AQR: variants seen among roughly 807,000 people sequenced by gnomAD.
AQR encodes the protein aquarius intron-binding spliceosomal factor.
A neutral mutation model predicts 180.5 loss-of-function variants in AQR; 61 were observed. The ratio of observed to expected loss-of-function variants is 0.34; its 90% CI spans 0.28 to 0.42. The LOEUF is 0.42. AQR is among the 10% of genes least tolerant of loss of function. The probability of loss-of-function intolerance (pLI) is 1.00; values close to 1 mark genes in which losing one functional copy is unlikely to be tolerated. For synonymous variants in AQR, 551 were observed against 588.8 expected (o/e 0.94, Z 0.93); for missense variants, 1,281 against 1,798.3 (o/e 0.71, Z 5.20).
intron 5 of AQR, among the ~76,000 whole-genome samples, chr15:34,946,470 A>AGGAG (rs1894119246): frequency 1.1e-5 from 1 of 91,432 alleles, no homozygotes; most frequent in Non-Finnish European, 2.1e-5. Context: ...CGCCCCGTCC[A>AGGAG]GGAGGGAGGT....
intron 1 of AQR, chr15:34,964,498 C>T (rs976566581): frequency 1.5e-6 from 1 of 665,380 alleles, no homozygotes; most frequent in Non-Finnish European, 2.8e-6. Flanking sequence ...TGCACTACAA[C>T]ATGCCATTGT....
intron 15 of AQR, among the ~76,000 whole-genome samples, chr15:34,916,016 T>G (rs1027697698): frequency 1.3e-5 from 2 of 152,126 alleles, no homozygotes; most frequent in African/African-American, 4.8e-5. Flanking sequence ...AATCTGCATA[T>G]GAGTGATCTG....
intron 2 of AQR, among the ~76,000 whole-genome samples, chr15:34,963,661 C>CTTTTTTTTTCTTTTTTTTTTTTTTTTT (rs1566793151): frequency 6.7e-6 from 1 of 148,602 alleles, no homozygotes; most frequent in African/African-American, 2.5e-5. Flanking sequence ...TACACGTACA[C>CTTTTTTTTTCTTTTTTTTTTTTTTTTT]TTTTTTTTTT....
At chr15:34,923,586 T>C (rs1373974519) in intron 13 of AQR, among the ~76,000 whole-genome samples, 1 of 152,190 alleles carries the variant, frequency 6.6e-6, no homozygotes. Flanking sequence ...AGGTCTATAA[T>C]CCGATTTGAG....
chr15:34,898,745 G>C (rs1490417385), intron 20 of AQR, among the ~76,000 whole-genome samples: 1 of 151,568 alleles, frequency 6.6e-6, no homozygotes, highest in African/African-American at 2.4e-5. Flanking sequence ...TTAGCCGGGC[G>C]TGGTGGCGGG....
intron 18 of AQR, among the ~76,000 whole-genome samples, chr15:34,905,095 T>C (rs1309441954): frequency 9.4e-6 from 1 of 106,298 alleles, no homozygotes; most frequent in East Asian, 3.2e-4. Flanking sequence ...CTCCTCTTTT[T>C]TGGGGGGGGT....
intron 21 of AQR, among the ~76,000 whole-genome samples, chr15:34,897,191 G>T (rs1415939129): frequency 6.6e-6 from 1 of 152,128 alleles, no homozygotes; most frequent in Non-Finnish European, 1.5e-5. Context: ...CATTTGGAGT[G>T]CCAAAGTTCT....
chr15:34,944,110 AT>A, intron 6 of AQR, among the ~76,000 whole-genome samples, 177 bp downstream of exon 6: 1 of 152,370 alleles, frequency 6.6e-6, no homozygotes, highest in African/African-American at 2.4e-5. Context: ...ATAAAAACAT[AT>A]CTTAAAGACT....
At chr15:34,887,238 T>TG (rs1893076150) in intron 24 of AQR, among the ~76,000 whole-genome samples, 1 of 152,082 alleles carries the variant, frequency 6.6e-6, no homozygotes, top group African/African-American at 2.4e-5. Context: ...AATACACCAT[T>TG]TAGTTCAGCT....
intron 34 of AQR, among the ~76,000 whole-genome samples, chr15:34,858,796 T>C (rs555067158): frequency 2.1e-4 from 32 of 152,310 alleles, no homozygotes; most frequent in African/African-American, 6.5e-4. Flanking sequence ...ATATAGTCAA[T>C]TGATATTTTG....
At chr15:34,877,671 A>G (rs1239341095) in intron 27 of AQR, among the ~76,000 whole-genome samples, 1 of 152,246 alleles carries the variant, frequency 6.6e-6, no homozygotes, top group Non-Finnish European at 1.5e-5. Context: ...ATGCAATTTT[A>G]CTTATAAAAA....
chr15:34,882,590 T>C lies in AQR; in HGVS notation c.3077A>G (p.Tyr1026Cys), dbSNP rs775499380. 2.1e-5 allele frequency: 34 copies of C among 1,612,974 alleles called. No individual in the cohort carries two copies. The highest frequency in any genetic ancestry group is 2.7e-5 in the African/African-American group (2 of 74,800). ...AATTTTGGCTTCTTTCACTAAAAGG[T>C]ATTTAGATCTGTCCAGTCCACTTCG... is the stretch of plus-strand genomic sequence containing the variant. ...LLRSGLDRSK[Y>C]LLVKEAKIIA... Residue 1026 changes from tyrosine to cysteine, a missense_variant, in exon 27 of 35, where the codon TAC becomes TGC. Physicochemically the swap from Tyr to Cys is radical, Grantham distance 194. Coordinates refer to ENST00000156471, the MANE Select transcript of AQR (RefSeq NM_014691.3).
intron 30 of AQR, among the ~76,000 whole-genome samples, chr15:34,872,173 T>C (rs973192112): frequency 3.9e-5 from 6 of 152,184 alleles, no homozygotes; most frequent in African/African-American, 9.6e-5. Context: ...AACTGTATTG[T>C]GACCAAACAT....
chr15:34,894,978 AAC>A (rs1279064143), intron 22 of AQR, among the ~76,000 whole-genome samples: 1 of 150,792 alleles, frequency 6.6e-6, no homozygotes, highest in African/African-American at 2.4e-5. Context: ...CAGCCTGGCC[AAC>A]ACAGTGAAAC....
At chr15:34,965,047 T>C (rs753034509) in intron 1 of AQR, among the ~76,000 whole-genome samples, 1 of 152,228 alleles carries the variant, frequency 6.6e-6, no homozygotes, top group South Asian at 2.1e-4. Flanking sequence ...TAAAGTCTGA[T>C]GGATGAATGG....
chr15:34,874,239 C>T (rs1892861688), intron 29 of AQR: 1 of 381,944 alleles, frequency 2.6e-6, no homozygotes, highest in Non-Finnish European at 4.6e-6. Context: ...GAGGTCAATG[C>T]TATCTTTATC....
At chr15:34,857,253 G>C (rs1330670582) in intron 34 of AQR, 147 bp from the exon 35 acceptor site, 96 of 696,570 alleles carry the variant, frequency 1.4e-4, no homozygotes, top group Non-Finnish European at 1.8e-5. Flanking sequence ...AATGGTCTAG[G>C]TTCTGCTAAC....
At chr15:34,926,424 G>A (rs1352442000) in intron 13 of AQR, among the ~76,000 whole-genome samples, 4 of 152,032 alleles carry the variant, frequency 2.6e-5, no homozygotes, top group Non-Finnish European at 4.4e-5. Context: ...CACACTATCC[G>A]GGTTTAAATT....
chr15:34,937,883 C>CA (rs201185376), intron 9 of AQR, among the ~76,000 whole-genome samples: 8,320 of 145,584 alleles, frequency 0.057, 302 homozygotes, highest in Middle Eastern at 0.11. Flanking sequence ...CACTCTGTCT[C>CA]AAAAAAAAAT....
Sources: allele counts gnomAD v4.1 joint callset (sites outside exome capture counted in the v4.1 genomes callset), GRCh38; gene constraint gnomAD v4.1.1; transcripts MANE v1.5; gene names NCBI Gene and HGNC (gene_info 2026-07-23, HGNC 2026-07-21).